Variants in RIMS2 observed in about 807,000 individuals in gnomAD.
RIMS2 encodes regulating synaptic membrane exocytosis protein 2.
A neutral mutation model predicts 174.4 loss-of-function variants in RIMS2; 59 were observed. That is an observed-to-expected ratio of 0.34 (90% CI 0.27 to 0.42). The LOEUF is 0.42. RIMS2 is among the 10% of genes least tolerant of loss of function. The pLI is 1.00. For missense variants in RIMS2, 1,620 were observed against 1,666.3 expected, an observed-to-expected ratio of 0.97 and a Z score of 0.48; for synonymous variants, 606 against 572.5, an observed-to-expected ratio of 1.06 and a Z score of -0.84.
chr8:103,585,567 T>C (rs1010333353), intron 1 of RIMS2, among the ~76,000 whole-genome samples: 5 of 152,084 alleles, frequency 3.3e-5, no homozygotes, highest in African/African-American at 9.7e-5. Context: ...AAAGAATGAC[T>C]TCATGTCCTT....
At chr8:103,958,313 A>G (rs983179241) in intron 14 of RIMS2, among the ~76,000 whole-genome samples, 5 of 152,182 alleles carry the variant, frequency 3.3e-5, no homozygotes, top group African/African-American at 1.2e-4. Flanking sequence ...ACAGAAGACC[A>G]AATACCACAT....
intron 3 of RIMS2, among the ~76,000 whole-genome samples, chr8:103,818,363 T>C (rs2098731153): frequency 6.6e-6 from 1 of 152,226 alleles, no homozygotes. Context: ...AAATTTGGTT[T>C]ACACACTAGT....
At chr8:103,576,970 CCCTAGAAGAAAA>C (rs1388100775) in intron 1 of RIMS2, among the ~76,000 whole-genome samples, 1 of 152,112 alleles carries the variant, frequency 6.6e-6, no homozygotes, top group African/African-American at 2.4e-5. Flanking sequence ...ACCATAAAAA[CCCTAGAAGAAAA>C]CCTAGACAAT....
intron 19 of RIMS2, among the ~76,000 whole-genome samples, chr8:104,122,344 G>A (rs940283503): frequency 2.6e-5 from 4 of 152,104 alleles, no homozygotes; most frequent in Non-Finnish European, 5.9e-5. Context: ...TAGGGTTAGG[G>A]TAGGAGTTCG....
At chr8:104,001,687 C>T (rs991501515) in intron 17 of RIMS2, among the ~76,000 whole-genome samples, 1 of 151,946 alleles carries the variant, frequency 6.6e-6, no homozygotes, top group Non-Finnish European at 1.5e-5. Context: ...TCCCTCTGAC[C>T]TCCATCCCAA....
intron 2 of RIMS2, among the ~76,000 whole-genome samples, chr8:103,733,423 G>A (rs1211051997): frequency 2.0e-5 from 3 of 152,006 alleles, no homozygotes; most frequent in Admixed American, 6.6e-5. Flanking sequence ...CACCTCAGCT[G>A]GTGTCTCACT....
At position 104,003,870 on chromosome 8, in the gene RIMS2, G is replaced by T. The variant is rs529418995; in HGVS notation, c.3045-9572G>T. ...AGACTACGTGAATGATCGATTTGAA[G>T]AGAAAAAAGCAAAAGAGAGACATGT... On this transcript the variant is annotated intron_variant, in intron 17 of 23. Coordinates refer to ENST00000504942, the Ensembl canonical transcript of RIMS2. Among the ~76,000 whole-genome samples, 10 of 152,236 alleles carry T rather than the reference G, an allele frequency of 6.6e-5. No individual in the cohort carries two copies. The South Asian group carries it at 1.9e-3, about 28-fold the overall frequency.
intron 11 of RIMS2, among the ~76,000 whole-genome samples, chr8:103,928,306 T>G (rs1183673621): frequency 6.6e-6 from 1 of 151,568 alleles, no homozygotes; most frequent in East Asian, 1.9e-4. Context: ...TTTTCCAAGT[T>G]ATAACTCCTT....
rs185327189 is a variant in RIMS2 at position 103,758,367 on chromosome 8, A to G, written c.388-7860A>G. 1.8e-4 allele frequency among the ~76,000 whole-genome samples: 28 copies of G among 152,308 alleles called. No individual in the cohort carries two copies. The East Asian group carries it at 4.0e-3, about 22-fold the overall frequency. On this transcript the variant is annotated intron_variant, in intron 2 of 23. Coordinates refer to ENST00000504942, the Ensembl canonical transcript of RIMS2. ...AGTGATATTTTACATTAGTGATCTT[A>G]TAAATTCATATATACAAACCAAGTC...
chr8:103,943,357 T>C (rs561926841), intron 14 of RIMS2, among the ~76,000 whole-genome samples: 3 of 152,220 alleles, frequency 2.0e-5, no homozygotes, highest in Non-Finnish European at 4.4e-5. Flanking sequence ...GTTGAAACCA[T>C]GAACTTTAAT....
rs763851354 is a variant in RIMS2 at position 103,766,210 on chromosome 8, T to C, written c.388-17T>C. On this transcript the variant is annotated splice_polypyrimidine_tract_variant and intron_variant, in intron 2 of 23. Transcript: ENST00000504942. ...TTTGGGAACACTAATTTTTTCCCCC[T>C]ATGTCTTCATGTGCAGGTTATGTGG... 5 of 1,569,220 alleles carry C rather than the reference T, an allele frequency of 3.2e-6. No homozygotes were observed. The African/African-American group carries it at 5.5e-5, about 17-fold the overall frequency.
At chr8:103,698,629 G>A (rs1338374039) in intron 2 of RIMS2, among the ~76,000 whole-genome samples, 4 of 151,972 alleles carry the variant, frequency 2.6e-5, no homozygotes, top group Admixed American at 1.3e-4. Context: ...ATATATTAAT[G>A]GATTTGATTT....
intron 19 of RIMS2, among the ~76,000 whole-genome samples, chr8:104,218,736 G>A (rs2099142384): frequency 2.6e-5 from 4 of 152,190 alleles, no homozygotes; most frequent in Middle Eastern, 6.8e-3. Context: ...CTCCTGTGAG[G>A]CAGAGCTCAG....
chr8:103,954,392 A>G (rs536008656), intron 14 of RIMS2, among the ~76,000 whole-genome samples: 49 of 152,208 alleles, frequency 3.2e-4, no homozygotes, highest in Non-Finnish European at 6.2e-4. Context: ...CGGAAATCAT[A>G]ACAAACAGTC....
chr8:103,563,137 G>A (rs2091862194), intron 1 of RIMS2, among the ~76,000 whole-genome samples: 1 of 152,198 alleles, frequency 6.6e-6, no homozygotes, highest in Non-Finnish European at 1.5e-5. Flanking sequence ...CCATTGTCTT[G>A]GTGATTAACA....
chr8:103,723,324 A>C (rs1032192280), intron 2 of RIMS2, among the ~76,000 whole-genome samples: 24 of 152,186 alleles, frequency 1.6e-4, no homozygotes, highest in African/African-American at 5.6e-4. Flanking sequence ...TGAAGAAGTA[A>C]GCTCTTCTTG....
chr8:103,723,227 C>A (rs1267183097), intron 2 of RIMS2, among the ~76,000 whole-genome samples: 1 of 152,234 alleles, frequency 6.6e-6, no homozygotes, highest in Non-Finnish European at 1.5e-5. Context: ...ACTCCTGTAC[C>A]ATCAGTGCTT....
chr8:104,068,170 C>T (rs1010437907), intron 19 of RIMS2, among the ~76,000 whole-genome samples: 1 of 152,086 alleles, frequency 6.6e-6, no homozygotes, highest in Non-Finnish European at 1.5e-5. Context: ...AGTCAGAGTT[C>T]ACATGATATT....
intron 18 of RIMS2, among the ~76,000 whole-genome samples, chr8:104,014,173 A>G (rs1176480853): frequency 3.9e-5 from 6 of 152,176 alleles, no homozygotes; most frequent in Non-Finnish European, 8.8e-5. Flanking sequence ...GAAATCTGGT[A>G]GAAAGAAAAG....
Sources: gnomAD v4.1 joint callset for allele counts (sites outside exome capture counted in the v4.1 genomes callset) on GRCh38, gnomAD v4.1.1 for gene constraint, MANE v1.5 for transcripts, NCBI Gene and HGNC (gene_info 2026-07-23, HGNC 2026-07-21) for gene names.